Variants in NXPE4 observed in about 807,000 individuals in gnomAD.
The protein encoded by NXPE4 is NXPE family member 4.
A neutral mutation model predicts 33.3 loss-of-function variants in NXPE4; 42 were observed. The observed-to-expected ratio is 1.26, with a 90% CI of 0.98 to 1.63. NXPE4 has a LOEUF of 1.63. NXPE4 is among the 40% of genes most tolerant of loss of function. The probability of loss-of-function intolerance (pLI) is 0.00; values close to 1 mark genes in which losing one functional copy is unlikely to be tolerated. For missense variants in NXPE4, 709 were observed against 647.6 expected (o/e 1.09, Z -1.03); for synonymous variants, 253 against 234.9 (o/e 1.08, Z -0.71).
the NXPE4 span, among the ~76,000 whole-genome samples, chr11:114,673,621 G>A: frequency 6.6e-6 from 1 of 151,448 alleles, no homozygotes; most frequent in Non-Finnish European, 1.5e-5. Context: ...ACTAAAATCA[G>A]GAATAAAAGA....
chr11:114,589,983 G>C (rs761860011), intron 2 of NXPE4, among the ~76,000 whole-genome samples: 2 of 152,160 alleles, frequency 1.3e-5, no homozygotes, highest in Non-Finnish European at 2.9e-5. Context: ...TAGATTTAAA[G>C]GATGCCTTTT....
chr11:114,669,687 G>T, the NXPE4 span, among the ~76,000 whole-genome samples: 10 of 152,054 alleles, frequency 6.6e-5, no homozygotes, highest in African/African-American at 2.4e-4. Flanking sequence ...CAGAAGTTTT[G>T]CCCAGGAAGA....
At position 114,581,725 on chromosome 11, in the gene NXPE4, T is replaced by C. The variant is rs754837312; in HGVS notation, c.892A>G (p.Lys298Glu). The change falls in exon 4 of 6, where the codon AAA becomes GAA. Residue 298 changes from lysine to glutamate, a missense_variant and splice_region_variant. Transcript: ENST00000375478. ...FNTISVSKCNKETVAMKEKCK... is the reference protein window; with the variant it reads ...FNTISVSKCNEETVAMKEKCK... ...ACCCACCAAACACAGGAGTACTTAC[T>C]GTTGCATTTGGAGACACTAATTGTA... 1.2e-6 allele frequency: 2 copies of C among 1,610,634 alleles called. No homozygotes were observed. The highest frequency in any genetic ancestry group is 2.2e-5 in the East Asian group (1 of 44,802).
upstream of NXPE4, among the ~76,000 whole-genome samples, chr11:114,599,643 C>G (rs113112236): frequency 2.6e-5 from 4 of 152,260 alleles, no homozygotes; most frequent in African/African-American, 9.6e-5. Context: ...GGAGCTTTTA[C>G]TCATGGCAGA....
At chr11:114,657,392 C>T in the NXPE4 span, among the ~76,000 whole-genome samples, 9 of 152,114 alleles carry the variant, frequency 5.9e-5, no homozygotes, top group African/African-American at 2.2e-4. Flanking sequence ...TCAGCATTTT[C>T]TCTAATTTGA....
the NXPE4 span, among the ~76,000 whole-genome samples, chr11:114,651,559 T>C: frequency 2.6e-5 from 4 of 152,232 alleles, no homozygotes; most frequent in Non-Finnish European, 5.9e-5. Context: ...CTGGCTTTGC[T>C]GGCCAGCCTT....
At chr11:114,584,012 T>C (rs550976964) in intron 2 of NXPE4, 1 of 352,614 alleles carries the variant, frequency 2.8e-6, no homozygotes, top group Non-Finnish European at 5.6e-6. Context: ...GATGTTCCTG[T>C]CTAGTGTGGT....
rs765811696 is a variant in NXPE4, at chr11:114,570,995, G to A, written c.1578C>T (p.His526=). The part of the protein sequence containing the change: ...ITIAYGTNNV[H]PPQHVVGNQI... Reference sequence around the variant, plus strand: ...GATTTCCGACTACATGTTGAGGTGGGTGTACATTATTTGTGCCATATGCAA... The same window carrying A: ...GATTTCCGACTACATGTTGAGGTGGATGTACATTATTTGTGCCATATGCAA... Residue 526 remains histidine (H), a synonymous_variant, in exon 6 of 6, where the codon CAC becomes CAT. Transcript: ENST00000375478. 2 of 1,612,546 alleles carry A rather than the reference G, an allele frequency of 1.2e-6. No individual in the cohort carries two copies. The highest frequency in any genetic ancestry group is 1.3e-5 in the African/African-American group (1 of 74,998).
At chr11:114,631,531 G>C in the NXPE4 span, among the ~76,000 whole-genome samples, 2 of 118,228 alleles carry the variant, frequency 1.7e-5, no homozygotes, top group Non-Finnish European at 3.4e-5. Context: ...TGTGGGGTGG[G>C]GGGAGGGGGG....
chr11:114,639,470 C>A, the NXPE4 span, among the ~76,000 whole-genome samples: 2 of 151,414 alleles, frequency 1.3e-5, no homozygotes, highest in African/African-American at 4.9e-5. Flanking sequence ...CTGCGCTGCC[C>A]CCACTGTCCT....
At chr11:114,623,123 G>A in the NXPE4 span, among the ~76,000 whole-genome samples, 10 of 151,932 alleles carry the variant, frequency 6.6e-5, no homozygotes, top group South Asian at 4.2e-4. Flanking sequence ...ACTGTTACCC[G>A]GTGGATAATA....
At chr11:114,590,387 C>G (rs1471567221) in intron 2 of NXPE4, among the ~76,000 whole-genome samples, 3 of 152,104 alleles carry the variant, frequency 2.0e-5, no homozygotes, top group African/African-American at 4.8e-5. Flanking sequence ...TTCCTCCTTC[C>G]CCCTCCCTAA....
At chr11:114,646,132 C>G in the NXPE4 span, among the ~76,000 whole-genome samples, 1 of 151,952 alleles carries the variant, frequency 6.6e-6, no homozygotes, top group Non-Finnish European at 1.5e-5. Context: ...TTTTTATATG[C>G]TGGCCTGAGG....
the NXPE4 span, among the ~76,000 whole-genome samples, chr11:114,617,190 T>C: frequency 2.7e-5 from 4 of 149,788 alleles, no homozygotes; most frequent in African/African-American, 9.8e-5. Context: ...ATAAGTGTTG[T>C]CTTGTTGGTA....
chr11:114,605,486 G>A, the NXPE4 span, among the ~76,000 whole-genome samples: 145 of 151,672 alleles, frequency 9.6e-4, 2 homozygotes, highest in Admixed American at 5.8e-3. Flanking sequence ...ACAGTTACCC[G>A]GTGGATAATA....
chr11:114,653,048 A>G, the NXPE4 span, among the ~76,000 whole-genome samples: 1 of 152,220 alleles, frequency 6.6e-6, no homozygotes, highest in Admixed American at 6.5e-5. Flanking sequence ...TCATCATTAT[A>G]TATTCCATTG....
the NXPE4 span, among the ~76,000 whole-genome samples, chr11:114,634,783 G>T: frequency 6.6e-6 from 1 of 151,924 alleles, no homozygotes; most frequent in African/African-American, 2.4e-5. Context: ...TAGATATGTG[G>T]CATTATTTCT....
At chr11:114,636,785 C>A in the NXPE4 span, among the ~76,000 whole-genome samples, 4 of 152,180 alleles carry the variant, frequency 2.6e-5, no homozygotes, top group Middle Eastern at 0.01. Flanking sequence ...GAGTGAGTTT[C>A]TTAATCCTGA....
the NXPE4 span, among the ~76,000 whole-genome samples, chr11:114,620,678 C>A: frequency 1.3e-5 from 2 of 149,726 alleles, no homozygotes; most frequent in African/African-American, 4.9e-5. Context: ...ATATTGTCTC[C>A]CAGGTAACCA....
Sources: allele counts gnomAD v4.1 joint callset (sites outside exome capture counted in the v4.1 genomes callset), GRCh38; gene constraint gnomAD v4.1.1; transcripts MANE v1.5; gene names NCBI Gene and HGNC (gene_info 2026-07-23, HGNC 2026-07-21).